The following CSMD3 variants were observed in gnomAD, a reference collection of about 807,000 sequenced individuals.
CSMD3 encodes CUB and sushi domain-containing protein 3.
A neutral mutation model predicts 435.2 loss-of-function variants in CSMD3; 177 were observed. The observed-to-expected ratio is 0.41, with a 90% CI of 0.36 to 0.46. CSMD3 has a LOEUF of 0.46. CSMD3 is among the 20% of genes least tolerant of loss of function. The probability of loss-of-function intolerance (pLI) is 0.34; values close to 1 mark genes in which losing one functional copy is unlikely to be tolerated. For synonymous variants in CSMD3, 1,656 were observed against 1,520.5 expected (o/e 1.09, Z -2.07); for missense variants, 4,265 against 4,504.6 (o/e 0.95, Z 1.52).
At chr8:112,370,092 AGTAG>A (rs1335915312) in intron 38 of CSMD3, among the ~76,000 whole-genome samples, 8 of 151,452 alleles carry the variant, frequency 5.3e-5, no homozygotes, top group Non-Finnish European at 1.2e-4. Flanking sequence ...AAGTAGTAGT[AGTAG>A]TAGTAGTCAG....
At chr8:112,638,308 G>A (rs987105629) in intron 21 of CSMD3, among the ~76,000 whole-genome samples, 1 of 150,174 alleles carries the variant, frequency 6.7e-6, no homozygotes. Context: ...GGAAATCACT[G>A]GATTAATTCT....
chr8:113,412,604 G>T (rs1418499642), intron 1 of CSMD3, among the ~76,000 whole-genome samples: 2 of 152,048 alleles, frequency 1.3e-5, no homozygotes, highest in Admixed American at 6.6e-5. Context: ...GCTGGGGAGG[G>T]TTATTCTTTC....
intron 27 of CSMD3, among the ~76,000 whole-genome samples, chr8:112,545,971 C>A (rs1827146386): frequency 6.6e-6 from 1 of 152,164 alleles, no homozygotes; most frequent in African/African-American, 2.4e-5. Context: ...ATAAGTAATT[C>A]TGTCTAGTAG....
intron 13 of CSMD3, among the ~76,000 whole-genome samples, chr8:112,715,698 C>T (rs1350331269): frequency 6.6e-6 from 1 of 152,186 alleles, no homozygotes; most frequent in East Asian, 1.9e-4. Context: ...AAACTGAATC[C>T]AGCTGCACAT....
rs1386643422 is a variant in CSMD3 at position 112,351,261 on chromosome 8, A to G, written c.6256-17T>C. The G allele has an allele frequency of 6.4e-7, 1 of 1,569,444 alleles. No individual in the cohort carries two copies. The highest frequency in any genetic ancestry group is 8.8e-7 in the Non-Finnish European group (1 of 1,139,950). The stretch of plus-strand genomic sequence containing the variant: ...AGAGTGACCCTACATAAACAAAATG[A>G]TGTGGTTCAGTACACATACATAAAA... On this transcript the variant is annotated splice_polypyrimidine_tract_variant and intron_variant, in intron 39 of 70. Transcript: ENST00000297405.
chr8:112,355,492 A>G (rs1028636532), intron 38 of CSMD3, among the ~76,000 whole-genome samples: 5 of 152,170 alleles, frequency 3.3e-5, no homozygotes, highest in Non-Finnish European at 7.3e-5. Context: ...TAATATCCAG[A>G]ATGTATAAGG....
chr8:112,620,338 T>C (rs554735879), intron 22 of CSMD3, among the ~76,000 whole-genome samples: 2 of 152,260 alleles, frequency 1.3e-5, no homozygotes, highest in African/African-American at 2.4e-5. Context: ...TACAATGATG[T>C]AGGAGAATGG....
At chr8:112,572,641 G>T (rs1829624740) in intron 24 of CSMD3, among the ~76,000 whole-genome samples, 1 of 151,970 alleles carries the variant, frequency 6.6e-6, no homozygotes, top group Non-Finnish European at 1.5e-5. Context: ...AAAGATTTCT[G>T]AGTATTGCTA....
chr8:113,232,429 A>G (rs887058532), intron 3 of CSMD3, among the ~76,000 whole-genome samples: 1 of 151,614 alleles, frequency 6.6e-6, no homozygotes, highest in Non-Finnish European at 1.5e-5. Flanking sequence ...ACGAAAATAC[A>G]TTTGGGATTG....
At chr8:112,351,652 A>C (rs1451534580) in intron 39 of CSMD3, among the ~76,000 whole-genome samples, 2 of 151,982 alleles carry the variant, frequency 1.3e-5, no homozygotes, top group Non-Finnish European at 2.9e-5. Context: ...AAAATATTAA[A>C]ACAAGTCAAA....
At chr8:113,280,671 C>CCGGCT (rs1267488126) in intron 2 of CSMD3, among the ~76,000 whole-genome samples, 2 of 151,766 alleles carry the variant, frequency 1.3e-5, no homozygotes, top group Admixed American at 1.3e-4. Flanking sequence ...CTGCTCTGAT[C>CCGGCT]TTGGTTATTT....
chr8:112,612,689 G>A (rs568957623), intron 22 of CSMD3, among the ~76,000 whole-genome samples: 22 of 139,522 alleles, frequency 1.6e-4, no homozygotes, highest in African/African-American at 5.3e-4. Context: ...AAACATTTCT[G>A]AACTCTTTCT....
intron 13 of CSMD3, among the ~76,000 whole-genome samples, chr8:112,708,722 C>CA (rs67604036): frequency 0.29 from 29,464 of 100,686 alleles, 3,833 homozygotes; most frequent in Non-Finnish European, 0.37. Context: ...GACGATAGAG[C>CA]AAAAAAAACC....
rs200000234 is a variant in CSMD3, at chr8:113,397,865, TAAAG to T, written c.178+38808_178+38811del. Among the ~76,000 whole-genome samples the T allele has an allele frequency of 2.4e-4, 32 of 134,124 alleles. No individual in the cohort carries two copies. In the East Asian group the frequency reaches 4.9e-3, roughly 21 times the overall value. The allele number at this position is 134,124 out of a possible 152,430, so 88.0% of individuals were successfully genotyped here. On this transcript the variant is annotated intron_variant, in intron 1 of 70. Coordinates refer to ENST00000297405, the MANE Select transcript of CSMD3 (RefSeq NM_198123.2). ...ATAAATAAATAAATAAATAAATAAA[TAAAG>T]AACACAGACTCTGGAAATAAATAGA...
rs377007830 is a variant in CSMD3 at position 112,406,626 on chromosome 8, C to T, written c.5707G>A (p.Asp1903Asn). 34 of 1,612,714 alleles carry T rather than the reference C, an allele frequency of 2.1e-5. No homozygotes were observed. The African/African-American group carries it at 4.4e-4, about 21-fold the overall frequency. Reference protein sequence around the residue: ...EFAVGSSVLFDCNPGYILHGS... With the variant: ...EFAVGSSVLFNCNPGYILHGS... ...TGGAGAATATATCCTGGATTACAAT[C>T]AAAAAGAACCGATGAACCGACTGCA... is the stretch of plus-strand genomic sequence containing the variant. Residue 1903 changes from aspartate (D) to asparagine (N), a missense_variant, in exon 35 of 71, where the codon GAT (aspartate) becomes AAT (asparagine). Physicochemically the swap from Asp to Asn is conservative, Grantham distance 23 (BLOSUM62 1). Around this residue, in one of 3 missense-constraint regions of CSMD3, gnomAD observed 3,255 missense variants for 3,380.2 expected, o/e 0.96. Coordinates refer to ENST00000297405, the MANE Select transcript of CSMD3 (RefSeq NM_198123.2).
At position 112,907,152 on chromosome 8, in the gene CSMD3, A is replaced by AT. The variant is rs370140223; in HGVS notation, c.1633+14474dup. Among the ~76,000 whole-genome samples the AT allele has an allele frequency of 1.9e-3, 291 of 151,634 alleles. 3 individuals are homozygous for AT. Among genetic ancestry groups the AT allele is most frequent in the African/African-American group, 6.6e-3 (275 of 41,476 alleles). ...CAGGAAAATTCTTTAGACAAAATCC[A>AT]TAAGTACTGCTGAGTTAGGGTTTAG... is the stretch of plus-strand genomic sequence containing the variant. On this transcript the variant is annotated intron_variant, in intron 10 of 70. Coordinates refer to ENST00000297405, the MANE Select transcript of CSMD3 (RefSeq NM_198123.2).
chr8:112,865,682 T>TA (rs2080957023), intron 10 of CSMD3, among the ~76,000 whole-genome samples: 1 of 105,746 alleles, frequency 9.5e-6, no homozygotes, highest in African/African-American at 4.0e-5. Flanking sequence ...TACCTTTACA[T>TA]ACCCCACACA....
chr8:112,830,768 T>C (rs951534159), intron 11 of CSMD3, among the ~76,000 whole-genome samples: 9 of 151,674 alleles, frequency 5.9e-5, no homozygotes, highest in African/African-American at 2.2e-4. Context: ...ATCTTGGCTT[T>C]TTTTTGTTAT....
intron 63 of CSMD3, among the ~76,000 whole-genome samples, chr8:112,248,138 A>C (rs1586529985): frequency 6.6e-6 from 1 of 152,048 alleles, no homozygotes; most frequent in African/African-American, 2.4e-5. Flanking sequence ...CCTCTTTGAG[A>C]CCTAATTTAT....
Sources: gnomAD v4.1 joint callset for allele counts (sites outside exome capture counted in the v4.1 genomes callset) on GRCh38, gnomAD v4.1.1 for gene constraint, gnomAD v4.1.1 regional missense constraint, MANE v1.5 for transcripts, NCBI Gene and HGNC (gene_info 2026-07-23, HGNC 2026-07-21) for gene names.